MAK: variants seen among roughly 807,000 people sequenced by gnomAD.
MAK encodes male germ cell associated kinase.
In MAK, 65 loss-of-function variants were observed where a neutral mutation model predicts 82.6. The observed-to-expected ratio is 0.79, with a 90% confidence interval of 0.64 to 0.97. MAK has a LOEUF of 0.97. MAK is among the 50% of genes least tolerant of loss of function. The pLI is 0.00. For missense variants in MAK, 703 were observed against 780.2 expected, an observed-to-expected ratio of 0.90 and a Z score of 1.18; for synonymous variants, 250 against 274.2, an observed-to-expected ratio of 0.91 and a Z score of 0.87.
At chr6:10,814,006 G>T (rs1777266468) in intron 4 of MAK, among the ~76,000 whole-genome samples, 1 of 150,500 alleles carries the variant, frequency 6.6e-6, no homozygotes, top group African/African-American at 2.4e-5. Flanking sequence ...TTCACTCTTT[G>T]TTGCACAGGC....
chr6:10,784,172 G>A (rs1774297856), intron 11 of MAK, among the ~76,000 whole-genome samples: 1 of 152,036 alleles, frequency 6.6e-6, no homozygotes, highest in South Asian at 2.1e-4. Flanking sequence ...TTTGGTGGGG[G>A]GTGGGGGTTG....
At chr6:10,822,146 C>CAAAAAA (rs751345869) in intron 2 of MAK, among the ~76,000 whole-genome samples, 2 of 36,548 alleles carry the variant, frequency 5.5e-5, no homozygotes, top group African/African-American at 1.0e-4. Flanking sequence ...GACTCCGTCT[C>CAAAAAA]AAAAAAAAAA....
In MAK at chr6:10,777,873, G is replaced by A. The variant is rs1045998105; in HGVS notation, c.1466-2414C>T. Among the ~76,000 whole-genome samples the A allele has an allele frequency of 2.0e-4, 31 of 152,092 alleles. 1 individual carries two copies. Among genetic ancestry groups the A allele is most frequent in the Non-Finnish European group, 5.9e-5 (4 of 68,018 alleles). ...GGCTAGTCTCGGACTCCCAACCTCA[G>A]GTGATCCGCCTGCCTCAGCCTCCCA... On this transcript the variant is annotated intron_variant, in intron 11 of 14. Transcript: ENST00000354489.
At chr6:10,829,739 C>T (rs1320527913) in intron 2 of MAK, among the ~76,000 whole-genome samples, 1 of 152,176 alleles carries the variant, frequency 6.6e-6, no homozygotes, top group Admixed American at 6.5e-5. Flanking sequence ...AGAAGAAAAA[C>T]AGCAGAATTC....
At chr6:10,822,846 A>C (rs1425681325) in intron 2 of MAK, among the ~76,000 whole-genome samples, 3 of 152,198 alleles carry the variant, frequency 2.0e-5, no homozygotes, top group African/African-American at 7.2e-5. Context: ...TTATTAACTT[A>C]ATTAAGTGAG....
At chr6:10,769,672 A>G (rs1401878780) in intron 14 of MAK, among the ~76,000 whole-genome samples, 1 of 152,166 alleles carries the variant, frequency 6.6e-6, no homozygotes, top group East Asian at 1.9e-4. Flanking sequence ...AGGGCTCTGG[A>G]AAAGGCATTT....
chr6:10,785,351 C>T (rs1255004055), intron 10 of MAK, among the ~76,000 whole-genome samples: 1 of 152,174 alleles, frequency 6.6e-6, no homozygotes, highest in Admixed American at 6.6e-5. Context: ...ATGAGCCCTC[C>T]ACGACCAACC....
chr6:10,802,123 T>A, intron 7 of MAK, 64 bp from the exon 8 acceptor site: 1 of 1,263,472 alleles, frequency 7.9e-7, no homozygotes, highest in Non-Finnish European at 1.1e-6. Flanking sequence ...GTAATCCATT[T>A]AAAAAACACA....
chr6:10,818,772 AAAAC>A (rs1428838599), intron 3 of MAK, 110 bp downstream of exon 3: 13 of 707,074 alleles, frequency 1.8e-5, no homozygotes, highest in South Asian at 6.2e-5. Context: ...ATATAAAGGA[AAAAC>A]AAACAAAATT....
chr6:10,784,487 A>T lies in MAK; in HGVS notation c.1402T>A (p.Ser468Thr). 1 of 1,614,114 alleles carries T rather than the reference A, an allele frequency of 6.2e-7. No homozygotes were observed. The highest frequency in any genetic ancestry group is 8.5e-7 in the Non-Finnish European group (1 of 1,179,980). The change falls in exon 11 of 15, where the codon TCC becomes ACC. Residue 468 changes from serine to threonine, a missense_variant. Physicochemically the swap from Ser to Thr is moderately conservative, Grantham distance 58. Coordinates refer to ENST00000354489, the MANE Select transcript of MAK (RefSeq NM_001242957.3). ...GAGGTTGGAGCAGTTGACAATTCGGAATCAGATTTTAGGGAAGTAACAGCA... is the reference window on the plus strand; with the variant it reads ...GAGGTTGGAGCAGTTGACAATTCGGTATCAGATTTTAGGGAAGTAACAGCA... ...LPAVTSLKSD[S>T]ELSTAPTSKQ...
chr6:10,773,983 G>A (rs1035002570), intron 12 of MAK, among the ~76,000 whole-genome samples: 2 of 152,048 alleles, frequency 1.3e-5, no homozygotes, highest in Admixed American at 6.6e-5. Flanking sequence ...ACAGGAGTGG[G>A]CCACTGCACC....
intron 13 of MAK, among the ~76,000 whole-genome samples, chr6:10,770,778 T>C (rs1311347389): frequency 6.6e-6 from 1 of 152,104 alleles, no homozygotes; most frequent in Non-Finnish European, 1.5e-5. Flanking sequence ...ATCATCACTA[T>C]TGGTGAATGC....
At chr6:10,796,510 A>T (rs1775573902) in intron 8 of MAK, among the ~76,000 whole-genome samples, 1 of 152,198 alleles carries the variant, frequency 6.6e-6, no homozygotes, top group Non-Finnish European at 1.5e-5. Flanking sequence ...AAATTGCATT[A>T]AAAAATTAAA....
chr6:10,767,777 C>T (rs1340416600), intron 14 of MAK, among the ~76,000 whole-genome samples: 3 of 139,456 alleles, frequency 2.2e-5, no homozygotes, highest in Non-Finnish European at 3.0e-5. Flanking sequence ...GGTGACAGAG[C>T]GAGACTTTGT....
chr6:10,772,835 A>G (rs1773139096), intron 13 of MAK, among the ~76,000 whole-genome samples, 199 bp downstream of exon 13: 1 of 152,254 alleles, frequency 6.6e-6, no homozygotes, highest in African/African-American at 2.4e-5. Context: ...TTTTGAGAGC[A>G]TATTCATCTT....
chr6:10,768,406 C>T (rs1470610210), intron 14 of MAK, among the ~76,000 whole-genome samples: 2 of 151,952 alleles, frequency 1.3e-5, no homozygotes, highest in African/African-American at 4.8e-5. Context: ...AGTGAAACTG[C>T]GTCTCTACTA....
chr6:10,798,349 G>A (rs1269702090), intron 8 of MAK, among the ~76,000 whole-genome samples: 3 of 151,934 alleles, frequency 2.0e-5, no homozygotes, highest in South Asian at 2.1e-4. Flanking sequence ...TCCTGACCTC[G>A]TGATCCGCCC....
Position 10,800,590 on chromosome 6 carries a change from A to G in MAK, c.831+1302T>C, listed in dbSNP as rs1775940585. On this transcript the variant is annotated intron_variant, in intron 8 of 14. Coordinates refer to ENST00000354489, the MANE Select transcript of MAK (RefSeq NM_001242957.3). The surrounding 1 kb of genome is among the most constrained non-coding windows in gnomAD (Gnocchi z 4.2). ...CGCGGTGGCTCACACCTGTAATCCC[A>G]GCACTTTGGGAGGCCAAGGAGGGCA... Among the ~76,000 whole-genome samples, 1 of 152,038 alleles carries G rather than the reference A, an allele frequency of 6.6e-6. No homozygotes were observed. Among genetic ancestry groups the G allele is most frequent in the Non-Finnish European group, 1.5e-5 (1 of 68,014 alleles).
In MAK at chr6:10,832,719, A is replaced by G. The variant is rs147471779; in HGVS notation, c.-229-1842T>C. 3.2e-3 allele frequency among the ~76,000 whole-genome samples: 486 copies of G among 152,212 alleles called. 2 individuals carry two copies. The highest frequency in any genetic ancestry group is 5.4e-3 in the Non-Finnish European group (367 of 68,006). On this transcript the variant is annotated intron_variant, in intron 1 of 14. Transcript: ENST00000354489. ...TCACCACGTTGGACAGGCTGGTCTC[A>G]AACTCCTGACCTCAAGTGATCCACC...
Sources: gnomAD v4.1 joint callset for allele counts (sites outside exome capture counted in the v4.1 genomes callset) on GRCh38, gnomAD v4.1.1 for gene constraint, Gnocchi (gnomAD v3.1) non-coding constraint, MANE v1.5 for transcripts, NCBI Gene and HGNC (gene_info 2026-07-23, HGNC 2026-07-21) for gene names.